The following LCN9 variants were observed in gnomAD, a reference collection of about 807,000 sequenced individuals.
The protein encoded by LCN9 is lipocalin 9, also known as epididymal-specific lipocalin-9.
LCN9 carries 22 observed loss-of-function variants against 18.5 expected under a neutral mutation model. The observed-to-expected ratio is 1.19, with a 90% CI of 0.85 to 1.70. LCN9 has a LOEUF of 1.70. LCN9 is among the 40% of genes most tolerant of loss of function. LCN9 has a pLI of 0.00. For missense variants in LCN9, 202 were observed against 201.3 expected, an observed-to-expected ratio of 1.00 and a Z score of -0.02; for synonymous variants, 89 against 83.0, an observed-to-expected ratio of 1.07 and a Z score of -0.39.
Position 135,665,161 on chromosome 9 carries a change from A to T in LCN9, c.308-84A>T. The T allele has an allele frequency of 1.0e-6, 1 of 957,850 alleles. No individual in the cohort carries two copies. Among genetic ancestry groups the T allele is most frequent in the Non-Finnish European group, 1.6e-6 (1 of 612,848 alleles). 59.3% of individuals were successfully genotyped at this position (957,850 alleles called of 1,614,324 possible). Reference sequence around the variant, plus strand: ...GCCTCAAAAGGCCACTTGACCCCCCATCCTCACTTGCGGCCACACAGCACG... The same window carrying T: ...GCCTCAAAAGGCCACTTGACCCCCCTTCCTCACTTGCGGCCACACAGCACG... On this transcript the variant is annotated intron_variant, in intron 3 of 5. Coordinates refer to ENST00000619315, the Ensembl canonical transcript of LCN9. This position sits in a 1 kb window ranked among gnomAD's most constrained non-coding sequence, Gnocchi z 5.9.
rs780586414 is a variant in LCN9, at chr9:135,664,151, T to C, written c.97-11T>C. On this transcript the variant is annotated splice_polypyrimidine_tract_variant and intron_variant, in intron 1 of 5. Coordinates refer to ENST00000619315, the Ensembl canonical transcript of LCN9. This position sits in a 1 kb window ranked among gnomAD's most constrained non-coding sequence, Gnocchi z 4.5. The stretch of plus-strand genomic sequence containing the variant: ...CGCGGCCCCCCACCCACTGGAGCTC[T>C]TTGTCTTCAGGTTTCAGGGGTCTGG... 22 of 1,610,652 alleles carry C rather than the reference T, an allele frequency of 1.4e-5. 1 individual carries two copies. The South Asian group carries it at 2.1e-4, about 15-fold the overall frequency.
chr9:135,665,212 G>A lies in LCN9; in HGVS notation c.308-33G>A, dbSNP rs1834196732. ...TGTCACAGGACCCTGAGGGTGGCGG[G>A]GCCAGGCCACGCTGAGCCATGTCTC... On this transcript the variant is annotated intron_variant, in intron 3 of 5. Transcript: ENST00000619315. The surrounding 1 kb of genome is among the most constrained non-coding windows in gnomAD (Gnocchi z 5.9). The A allele has an allele frequency of 1.4e-6, 2 of 1,445,258 alleles. No homozygotes were observed. Among genetic ancestry groups the A allele is most frequent in the Admixed American group, 1.9e-5 (1 of 51,982 alleles). The allele number at this position is 1,445,258 out of a possible 1,614,324, so 89.5% of individuals were successfully genotyped here. A position where few individuals can be genotyped will look rare whatever the true frequency, so the allele number is the denominator to read the frequency against.
At position 135,665,368 on chromosome 9, in the gene LCN9, TCCCCCTCTGA is replaced by T; in HGVS notation, c.418+21_418+30del. 6.4e-7 allele frequency: 1 copy of T among 1,573,856 alleles called. No homozygotes were observed. The highest frequency in any genetic ancestry group is 8.6e-7 in the Non-Finnish European group (1 of 1,158,126). ...CTGGCGCTCTATGGTACCTCCGCTGTCCCCCTCTGACCCCCTCGGGGACCCCACCTCCTCT... is the reference window on the plus strand; with the variant it reads ...CTGGCGCTCTATGGTACCTCCGCTGTCCCCCTCGGGGACCCCACCTCCTCT... On this transcript the variant is annotated intron_variant, in intron 4 of 5. Coordinates refer to ENST00000619315, the Ensembl canonical transcript of LCN9. The surrounding 1 kb of genome is among the most constrained non-coding windows in gnomAD (Gnocchi z 5.9).
At chr9:135,663,643 G>C (rs2119177604) in intron 1 of LCN9, among the ~76,000 whole-genome samples, 1 of 152,014 alleles carries the variant, frequency 6.6e-6, no homozygotes, top group African/African-American at 2.4e-5. Context: ...AGGGGGCCCT[G>C]GGAGGGCAGA....
chr9:135,663,313 A>C (rs761536404), exon 1 of LCN9: 1 of 1,608,904 alleles, frequency 6.2e-7, no homozygotes, highest in African/African-American at 1.3e-5. Context: ...TGAGGCGTCC[A>C]CGGCAAAGAT....
Position 135,665,263 on chromosome 9 carries a change from T to C in LCN9, c.326T>C (p.Val109Ala), listed in dbSNP as rs1469907592. 3 of 1,597,926 alleles carry C rather than the reference T, an allele frequency of 1.9e-6. No homozygotes were observed. The highest frequency in any genetic ancestry group is 1.7e-5 in the Admixed American group (1 of 58,080). The change falls in exon 4 of 6, where the codon GTG becomes GCG. Residue 109 changes from valine (V) to alanine (A), a missense_variant. Coordinates refer to ENST00000619315, the Ensembl canonical transcript of LCN9. The surrounding 1 kb of genome is among the most constrained non-coding windows in gnomAD (Gnocchi z 5.9). ...CACGCAGATGAGGGCCAGAACACAG[T>C]GGCCGTCTCGGAGACTGACTACAGG...
chr9:135,666,164 T>G (rs1046372718), exon 6 of LCN9: 7 of 1,564,638 alleles, frequency 4.5e-6, no homozygotes, highest in African/African-American at 4.1e-5. Flanking sequence ...TGTCACCATA[T>G]GCGGGTGACT....
At position 135,664,733 on chromosome 9, in the gene LCN9, A is replaced by G; in HGVS notation, c.245A>G (p.Glu82Gly). ...TGGCTGGCTTCCAGGGTGCAGGGGGAGTGTGTGGCTGTGGTCGTGGTCTGC... is the reference window on the plus strand; with the variant it reads ...TGGCTGGCTTCCAGGGTGCAGGGGGGGTGTGTGGCTGTGGTCGTGGTCTGC... Residue 82 changes from glutamate to glycine, a missense_variant, in exon 3 of 6, where the codon GAG (glutamate) becomes GGG (glycine). Glu to Gly is a moderately conservative substitution (Grantham distance 98, BLOSUM62 -2). Coordinates refer to ENST00000619315, the Ensembl canonical transcript of LCN9. This position sits in a 1 kb window ranked among gnomAD's most constrained non-coding sequence, Gnocchi z 4.5. The G allele has an allele frequency of 2.5e-6, 4 of 1,594,058 alleles. No individual in the cohort carries two copies. The highest frequency in any genetic ancestry group is 2.3e-5 in the East Asian group (1 of 43,914).
In LCN9 at chr9:135,664,248, G is replaced by C. The variant is rs1156588302; in HGVS notation, c.183G>C (p.Arg61=). 9.3e-6 allele frequency: 15 copies of C among 1,613,712 alleles called. No individual in the cohort carries two copies. The highest frequency in any genetic ancestry group is 1.1e-5 in the Non-Finnish European group (13 of 1,179,800). The change falls in exon 2 of 6, where the codon CGG becomes CGC. Residue 61 remains arginine (R), a synonymous_variant. Transcript: ENST00000619315. The surrounding 1 kb of genome is among the most constrained non-coding windows in gnomAD (Gnocchi z 4.5). ...ATGGAGACCTGAGGGTCTTCGTCCG[G>C]AATATTGAACACTTGAAGAACGGCA... is the stretch of plus-strand genomic sequence containing the variant.
At position 135,665,703 on chromosome 9, in the gene LCN9, C is replaced by T. The variant is rs759766790; in HGVS notation, c.434C>T (p.Ala145Val). The change falls in exon 5 of 6, where the codon GCG becomes GTG. Residue 145 changes from alanine to valine, a missense_variant. Coordinates refer to ENST00000619315, the Ensembl canonical transcript of LCN9. This position sits in a 1 kb window ranked among gnomAD's most constrained non-coding sequence, Gnocchi z 5.9. ...TCCTGAGCAGATTTGAAGAAACCTG[C>T]GAAAAGTACGGACTTGGCTCACAAA... 14 of 1,613,192 alleles carry T rather than the reference C, an allele frequency of 8.7e-6. No individual in the cohort carries two copies. The highest frequency in any genetic ancestry group is 1.3e-5 in the African/African-American group (1 of 75,038).
chr9:135,665,577 C>A lies in LCN9; in HGVS notation c.419-111C>A. On this transcript the variant is annotated intron_variant, in intron 4 of 5. Transcript: ENST00000619315. This position sits in a 1 kb window ranked among gnomAD's most constrained non-coding sequence, Gnocchi z 5.9. ...GCCCCTCTCTGGTCAGGGCGTGACC[C>A]CCTGCCCAGCCTCAGCACTTCCTGA... The A allele has an allele frequency of 2.7e-6, 3 of 1,105,612 alleles. No individual in the cohort carries two copies. The highest frequency in any genetic ancestry group is 2.7e-6 in the Non-Finnish European group (2 of 753,722). The allele number at this position is 1,105,612 out of a possible 1,614,324, so 68.5% of individuals were successfully genotyped here. A position where few individuals can be genotyped will look rare whatever the true frequency, so the allele number is the denominator to read the frequency against.
In LCN9 at chr9:135,664,178, A is replaced by G; in HGVS notation, c.113A>G (p.Tyr38Cys). 6.2e-7 allele frequency: 1 copy of G among 1,613,084 alleles called. No homozygotes were observed. Among genetic ancestry groups the G allele is most frequent in the Non-Finnish European group, 8.5e-7 (1 of 1,179,568 alleles). ...TGTCTTCAGGTTTCAGGGGTCTGGT[A>G]TTCTATTTTCATGGCCTCAGATGAC... The change falls in exon 2 of 6, where the codon TAT (tyrosine) becomes TGT (cysteine). Residue 38 changes from tyrosine to cysteine, a missense_variant. Physicochemically the swap from Tyr to Cys is radical, Grantham distance 194. Coordinates refer to ENST00000619315, the Ensembl canonical transcript of LCN9. This position sits in a 1 kb window ranked among gnomAD's most constrained non-coding sequence, Gnocchi z 4.5.
At position 135,664,883 on chromosome 9, in the gene LCN9, T is replaced by C; in HGVS notation, c.307+88T>C. On this transcript the variant is annotated intron_variant, in intron 3 of 5. Transcript: ENST00000619315. The surrounding 1 kb of genome is among the most constrained non-coding windows in gnomAD (Gnocchi z 4.5). ...GCCATATTCTGGTGAGCACTGACTC[T>C]GGGGATTTTAGTTAAGCCCCTGACA... 1 of 1,376,014 alleles carries C rather than the reference T, an allele frequency of 7.3e-7. No homozygotes were observed. The highest frequency in any genetic ancestry group is 1.5e-5 in the African/African-American group (1 of 68,448). 85.2% of individuals were successfully genotyped at this position (1,376,014 alleles called of 1,614,324 possible).
chr9:135,665,093 C>T lies in LCN9; in HGVS notation c.308-152C>T, dbSNP rs1588215620. 1.5e-6 allele frequency: 1 copy of T among 663,018 alleles called. No homozygotes were observed. Among genetic ancestry groups the T allele is most frequent in the East Asian group, 2.7e-5 (1 of 36,748 alleles). 41.1% of individuals were successfully genotyped at this position (663,018 alleles called of 1,614,324 possible). A position where few individuals can be genotyped will look rare whatever the true frequency, so the allele number is the denominator to read the frequency against. ...GTGCCGCTGCTGCCCGCCCCCTGTG[C>T]AGGGGTCTCCGCTGGGTGAGCACCG... is the stretch of plus-strand genomic sequence containing the variant. On this transcript the variant is annotated intron_variant, in intron 3 of 5. Coordinates refer to ENST00000619315, the Ensembl canonical transcript of LCN9. This position sits in a 1 kb window ranked among gnomAD's most constrained non-coding sequence, Gnocchi z 5.9.
chr9:135,666,456 C>T (rs1000875584), exon 6 of LCN9: 4 of 270,788 alleles, frequency 1.5e-5, no homozygotes, highest in African/African-American at 9.0e-5. Flanking sequence ...CTGCAAAGAC[C>T]CTTTCCCATC....
Position 135,665,125 on chromosome 9 carries a change from C to A in LCN9, c.308-120C>A. ...CTCCGCTGGGTGAGCACCGTGGGCT[C>A]CTCCCCTCCCGCCTCAAAAGGCCAC... On this transcript the variant is annotated intron_variant, in intron 3 of 5. Transcript: ENST00000619315. The surrounding 1 kb of genome is among the most constrained non-coding windows in gnomAD (Gnocchi z 5.9). The A allele has an allele frequency of 1.4e-6, 1 of 732,136 alleles. No homozygotes were observed. Among genetic ancestry groups the A allele is most frequent in the Non-Finnish European group, 2.4e-6 (1 of 422,116 alleles). The allele number at this position is 732,136 out of a possible 1,614,324, so 45.4% of individuals were successfully genotyped here.
chr9:135,665,371 C>T lies in LCN9; in HGVS notation c.418+16C>T. On this transcript the variant is annotated intron_variant, in intron 4 of 5. Transcript: ENST00000619315. This position sits in a 1 kb window ranked among gnomAD's most constrained non-coding sequence, Gnocchi z 5.9. ...GCGCTCTATGGTACCTCCGCTGTCC[C>T]CCTCTGACCCCCTCGGGGACCCCAC... 6.4e-7 allele frequency: 1 copy of T among 1,560,400 alleles called. No individual in the cohort carries two copies. The highest frequency in any genetic ancestry group is 8.7e-7 in the Non-Finnish European group (1 of 1,149,378).
intron 1 of LCN9, 121 bp downstream of exon 1, chr9:135,663,538 C>T: frequency 1.3e-6 from 1 of 788,326 alleles, no homozygotes; most frequent in South Asian, 1.6e-5. Flanking sequence ...ACCTCTCCTC[C>T]CCAAGCTGTG....
In LCN9 at chr9:135,665,808, G is replaced by A. The variant is rs1834210188; in HGVS notation, c.*10-53G>A. ...AGCCGGGACAGGGTGGGGATGGGAG[G>A]TGTGCCTGCGGGGTCCCTGTCCCTG... On this transcript the variant is annotated intron_variant, in intron 5 of 5. Transcript: ENST00000619315. The surrounding 1 kb of genome is among the most constrained non-coding windows in gnomAD (Gnocchi z 5.9). 2 of 1,612,018 alleles carry A rather than the reference G, an allele frequency of 1.2e-6. No homozygotes were observed. Among genetic ancestry groups the A allele is most frequent in the Admixed American group, 3.3e-5 (2 of 59,798 alleles).
Sources: allele counts gnomAD v4.1 joint callset (sites outside exome capture counted in the v4.1 genomes callset), GRCh38; gene constraint gnomAD v4.1.1; non-coding constraint Gnocchi (gnomAD v3.1); transcripts MANE v1.5; gene names NCBI Gene and HGNC (gene_info 2026-07-23, HGNC 2026-07-21).